The following RAD18 variants were observed in gnomAD, a reference collection of about 807,000 sequenced individuals.
The protein encoded by RAD18 is RAD18 E3 ubiquitin protein ligase.
Under a neutral mutation model 60.4 loss-of-function variants are expected in RAD18, and 47 were observed. The observed-to-expected ratio is 0.78, with a 90% CI of 0.62 to 0.99. RAD18 has a LOEUF of 0.99. Among genes scored for constraint, RAD18 ranks in the 50% least tolerant of loss-of-function variants. RAD18 has a pLI of 0.00. For missense variants in RAD18, 640 were observed against 593.3 expected (o/e 1.08, Z -0.82); for synonymous variants, 225 against 195.5 (o/e 1.15, Z -1.26).
chr3:8,941,710 C>T lies in RAD18; in HGVS notation c.361G>A (p.Ala121Thr). The change falls in exon 5 of 13, where the codon GCC becomes ACC. Residue 121 changes from alanine (A) to threonine (T), a missense_variant. By Grantham distance (58) the Ala-to-Thr change is moderately conservative (BLOSUM62 0). Coordinates refer to ENST00000264926, the MANE Select transcript of RAD18 (RefSeq NM_020165.4). ...NLAVKVYTPV[A>T]SRQSLKQGSR... is the part of the protein sequence containing the mutation. ...CCCTGCTTTAAAGACTGTCTGGAGG[C>T]TACAGGAGTATATACTTTGACAGCA... 14 of 1,614,106 alleles carry T rather than the reference C, an allele frequency of 8.7e-6. No individual in the cohort carries two copies. The highest frequency in any genetic ancestry group is 1.2e-5 in the Non-Finnish European group (14 of 1,179,970).
intron 10 of RAD18, among the ~76,000 whole-genome samples, chr3:8,899,824 A>C (rs1421290483): frequency 6.6e-6 from 1 of 152,166 alleles, no homozygotes; most frequent in African/African-American, 2.4e-5. Context: ...CTTAACTTTC[A>C]GGAACTGAGG....
At chr3:8,885,951 A>C (rs1939555616) in intron 12 of RAD18, among the ~76,000 whole-genome samples, 1 of 152,324 alleles carries the variant, frequency 6.6e-6, no homozygotes, top group East Asian at 1.9e-4. Context: ...TATCAGGAGA[A>C]AGTTATTGAA....
chr3:8,946,065 T>G (rs199993223), intron 4 of RAD18, among the ~76,000 whole-genome samples: 1 of 4,626 alleles, frequency 2.2e-4, no homozygotes, highest in African/African-American at 1.6e-3. Context: ...GGTAAGGGCC[T>G]TAGGCCTTCA....
At chr3:8,915,111 T>C (rs1480502004) in intron 7 of RAD18, among the ~76,000 whole-genome samples, 3 of 134,544 alleles carry the variant, frequency 2.2e-5, no homozygotes, top group African/African-American at 5.5e-5. Context: ...ATGGCACCAC[T>C]GCACTCCAGC....
At chr3:8,898,261 A>C (rs761619959) in intron 11 of RAD18, among the ~76,000 whole-genome samples, 2 of 152,134 alleles carry the variant, frequency 1.3e-5, no homozygotes, top group Non-Finnish European at 2.9e-5. Context: ...ATAAGCTATT[A>C]TGTTGGTGCA....
At chr3:8,896,660 T>C (rs1939790463) in intron 11 of RAD18, among the ~76,000 whole-genome samples, 1 of 152,242 alleles carries the variant, frequency 6.6e-6, no homozygotes, top group Non-Finnish European at 1.5e-5. Flanking sequence ...TGTATTCATA[T>C]AATAAAAGCT....
At chr3:8,948,132 T>G (rs1166976669) in intron 3 of RAD18, among the ~76,000 whole-genome samples, 2 of 152,230 alleles carry the variant, frequency 1.3e-5, no homozygotes, top group Admixed American at 1.3e-4. Flanking sequence ...ATAGGCCGGA[T>G]TAAGCCCAAC....
chr3:8,914,977 A>C (rs2125055990), intron 7 of RAD18, among the ~76,000 whole-genome samples: 1 of 152,094 alleles, frequency 6.6e-6, no homozygotes, highest in East Asian at 1.9e-4. Context: ...TCTCCACTAA[A>C]AATAAAAAAA....
At chr3:8,926,670 T>G (rs369557392) in intron 7 of RAD18, among the ~76,000 whole-genome samples, 5 of 152,186 alleles carry the variant, frequency 3.3e-5, no homozygotes, top group East Asian at 3.8e-4. Flanking sequence ...ACTACAAGGC[T>G]ACAGTAACCA....
intron 4 of RAD18, among the ~76,000 whole-genome samples, chr3:8,944,208 T>C (rs1365354278): frequency 6.6e-6 from 1 of 152,180 alleles, no homozygotes; most frequent in Non-Finnish European, 1.5e-5. Flanking sequence ...AATGGACAAA[T>C]TCTTTGAAAA....
intron 7 of RAD18, 132 bp downstream of exon 7, chr3:8,935,739 G>A (rs1940637669): frequency 1.2e-6 from 1 of 837,078 alleles, no homozygotes; most frequent in Non-Finnish European, 1.7e-6. Context: ...ACCTTTTGAA[G>A]GAACACATTT....
At chr3:8,917,711 A>G (rs1243810526) in intron 7 of RAD18, among the ~76,000 whole-genome samples, 1 of 152,070 alleles carries the variant, frequency 6.6e-6, no homozygotes, top group Admixed American at 6.5e-5. Flanking sequence ...ACAGCAAAAA[A>G]AGATAACAAA....
At chr3:8,933,339 G>A (rs563010532) in intron 7 of RAD18, among the ~76,000 whole-genome samples, 4 of 152,208 alleles carry the variant, frequency 2.6e-5, no homozygotes, top group East Asian at 1.9e-4. Context: ...TACAGCAAAG[G>A]GGCACTGGAA....
chr3:8,886,922 A>G (rs1939575927), intron 12 of RAD18, among the ~76,000 whole-genome samples: 1 of 152,160 alleles, frequency 6.6e-6, no homozygotes, highest in South Asian at 2.1e-4. Context: ...CCAGAACACG[A>G]AAAGCCTTGG....
intron 9 of RAD18, among the ~76,000 whole-genome samples, chr3:8,905,577 T>C (rs1939988861): frequency 1.3e-5 from 2 of 152,220 alleles, no homozygotes; most frequent in African/African-American, 4.8e-5. Flanking sequence ...TTCACCATCA[T>C]ATCACCTATG....
At chr3:8,923,177 A>G (rs1248918301) in intron 7 of RAD18, among the ~76,000 whole-genome samples, 1 of 152,158 alleles carries the variant, frequency 6.6e-6, no homozygotes, top group East Asian at 1.9e-4. Flanking sequence ...AAAAGATTAG[A>G]CGAATGGCTA....
At chr3:8,961,480 G>C (rs1941094470) in intron 1 of RAD18, among the ~76,000 whole-genome samples, 2 of 152,192 alleles carry the variant, frequency 1.3e-5, no homozygotes, top group South Asian at 4.1e-4. Flanking sequence ...CAAATAACTT[G>C]AGACTCCAAA....
intron 4 of RAD18, 72 bp downstream of exon 4, chr3:8,947,148 T>C (rs1256322115): frequency 1.7e-6 from 2 of 1,159,622 alleles, no homozygotes; most frequent in East Asian, 2.4e-5. Flanking sequence ...AATCCAAAGG[T>C]GCACAAAGTA....
chr3:8,899,716 C>A (rs1262794076), intron 10 of RAD18, among the ~76,000 whole-genome samples: 1 of 152,162 alleles, frequency 6.6e-6, no homozygotes, highest in Non-Finnish European at 1.5e-5. Flanking sequence ...GGCCAATTTT[C>A]TACAAATATG....
Sources: gnomAD v4.1 joint callset for allele counts (sites outside exome capture counted in the v4.1 genomes callset) on GRCh38, gnomAD v4.1.1 for gene constraint, MANE v1.5 for transcripts, NCBI Gene and HGNC (gene_info 2026-07-23, HGNC 2026-07-21) for gene names.